MBTD1: variants seen among roughly 807,000 people sequenced by gnomAD.
The protein encoded by MBTD1 is MBT domain-containing protein 1.
Under a neutral mutation model 87.8 loss-of-function variants are expected in MBTD1, and 24 were observed. The observed-to-expected ratio is 0.27, with a 90% CI of 0.20 to 0.38. MBTD1 has a LOEUF of 0.38. MBTD1 is among the 10% of genes least tolerant of loss of function. The pLI is 1.00. For missense variants in MBTD1, 436 were observed against 760.2 expected (o/e 0.57, Z 5.02); for synonymous variants, 237 against 248.6 (o/e 0.95, Z 0.44).
chr17:51,202,924 ACT>A lies in MBTD1; in HGVS notation c.838_839del (p.Ser280TyrfsTer15). ...TGCAAGGTTTGAAAGGATACTGCAT[ACT>A]CTCTGAAACCTTAAAAGCATACAAA... ...PPDFSQKVSE[S>X]MQYPFKPCMR... On this transcript the variant is annotated frameshift_variant, in exon 10 of 17. Coordinates refer to ENST00000586178, the MANE Select transcript of MBTD1 (RefSeq NM_017643.3). LOFTEE classifies it high-confidence loss of function. 1 of 1,611,318 alleles carries A rather than the reference ACT, an allele frequency of 6.2e-7. No homozygotes were observed. The highest frequency in any genetic ancestry group is 8.5e-7 in the Non-Finnish European group (1 of 1,177,456).
In MBTD1 at chr17:51,180,707, G is replaced by A; in HGVS notation, c.1769-13C>T. ...TGCAGTGTTGTCACTGAATGAAAGAGAGAGAAACATATGGGCATTAAGGCT... is the reference window on the plus strand; with the variant it reads ...TGCAGTGTTGTCACTGAATGAAAGAAAGAGAAACATATGGGCATTAAGGCT... On this transcript the variant is annotated splice_polypyrimidine_tract_variant and intron_variant, in intron 16 of 16. Coordinates refer to ENST00000586178, the MANE Select transcript of MBTD1 (RefSeq NM_017643.3). The A allele has an allele frequency of 7.1e-7, 1 of 1,417,110 alleles. No homozygotes were observed. Among genetic ancestry groups the A allele is most frequent in the Non-Finnish European group, 9.8e-7 (1 of 1,024,466 alleles). 87.8% of individuals were successfully genotyped at this position (1,417,110 alleles called of 1,614,324 possible). A position where few individuals can be genotyped will look rare whatever the true frequency, so the allele number is the denominator to read the frequency against.
chr17:51,235,779 A>AT (rs2053795983), intron 2 of MBTD1, among the ~76,000 whole-genome samples: 2 of 152,228 alleles, frequency 1.3e-5, no homozygotes, highest in African/African-American at 4.8e-5. Flanking sequence ...ATCACAGCAG[A>AT]TTTTTGGGTA....
intron 3 of MBTD1, among the ~76,000 whole-genome samples, chr17:51,220,772 T>C (rs777300950): frequency 9.9e-5 from 15 of 152,192 alleles, no homozygotes; most frequent in South Asian, 8.3e-4. Flanking sequence ...GTGCTTACCA[T>C]GTGCCAGGCA....
intron 12 of MBTD1, among the ~76,000 whole-genome samples, chr17:51,196,063 A>G (rs2051084204): frequency 1.3e-5 from 2 of 152,002 alleles, no homozygotes; most frequent in Admixed American, 1.3e-4. Context: ...GCATGCCATC[A>G]CACTCGGCTA....
In MBTD1 at chr17:51,220,871, AAC is replaced by A. The variant is rs538767476; in HGVS notation, c.155-410_155-409del. Among the ~76,000 whole-genome samples the A allele has an allele frequency of 3.9e-5, 6 of 152,376 alleles. No homozygotes were observed. In the South Asian group the frequency reaches 1.2e-3, roughly 32 times the overall value. ...CAACTGAGGATTAATAACAAAGTATAACACAGGCCTTTAAAATACTGCAAAGG... is the reference window on the plus strand; with the variant it reads ...CAACTGAGGATTAATAACAAAGTATAACAGGCCTTTAAAATACTGCAAAGG... On this transcript the variant is annotated intron_variant, in intron 3 of 16. Transcript: ENST00000586178.
chr17:51,217,617 TTA>T (rs1196429183), intron 5 of MBTD1, among the ~76,000 whole-genome samples: 1 of 152,180 alleles, frequency 6.6e-6, no homozygotes, highest in Non-Finnish European at 1.5e-5. Flanking sequence ...AGGAGTTTCT[TTA>T]TGTTTTTGAG....
At position 51,206,969 on chromosome 17, in the gene MBTD1, T is replaced by A; in HGVS notation, c.523A>T (p.Asn175Tyr). 6.2e-7 allele frequency: 1 copy of A among 1,613,626 alleles called. No homozygotes were observed. Among genetic ancestry groups the A allele is most frequent in the South Asian group, 1.1e-5 (1 of 91,070 alleles). The change falls in exon 7 of 17, where the codon AAT becomes TAT. Residue 175 changes from asparagine to tyrosine, a missense_variant. Physicochemically the swap from Asn to Tyr is moderately radical, Grantham distance 143 (BLOSUM62 -2). Transcript: ENST00000586178. The stretch of plus-strand genomic sequence containing the variant: ...GTATTGGGAACTTCTACTCTCACAT[T>A]TTCTGAGATATCACCCCAGCAGGTC... ...MGTCWGDISE[N>Y]VRVEVPNTDC...
At chr17:51,218,807 T>C in intron 5 of MBTD1, 123 bp downstream of exon 5, 1 of 629,226 alleles carries the variant, frequency 1.6e-6, no homozygotes, top group East Asian at 2.8e-5. Context: ...AGCTTAGAGC[T>C]GTAATGTGCT....
intron 12 of MBTD1, among the ~76,000 whole-genome samples, chr17:51,197,522 T>C (rs2051205040): frequency 6.8e-6 from 1 of 146,056 alleles, no homozygotes; most frequent in African/African-American, 2.5e-5. Flanking sequence ...TTTCTTTTCT[T>C]TTTTTTTTTT....
intron 2 of MBTD1, among the ~76,000 whole-genome samples, chr17:51,227,664 T>A (rs1346315922): frequency 6.6e-6 from 1 of 152,138 alleles, no homozygotes. Context: ...AAATTTTGCC[T>A]TTCAGCTGGG....
chr17:51,226,593 T>C (rs2053232498), intron 2 of MBTD1, among the ~76,000 whole-genome samples: 1 of 152,016 alleles, frequency 6.6e-6, no homozygotes, highest in Non-Finnish European at 1.5e-5. Context: ...AAACTAAACT[T>C]CTAGACCAAT....
rs946412130 is a variant in MBTD1, at chr17:51,192,786, T to G, written c.1686A>C (p.Ser562=). The change falls in exon 15 of 17, where the codon TCA becomes TCC. Residue 562 remains serine (S), a synonymous_variant. Coordinates refer to ENST00000586178, the MANE Select transcript of MBTD1 (RefSeq NM_017643.3). ...CTTTTCTGTATACCAACTTACACTG[T>G]GATGCTGGAGGCTGTAGTTGATATC... is the stretch of plus-strand genomic sequence containing the variant. ...LTGYQLQPPA[S]QSSRENQSAS... 4.3e-6 allele frequency: 7 copies of G among 1,614,084 alleles called. No homozygotes were observed. The highest frequency in any genetic ancestry group is 5.9e-6 in the Non-Finnish European group (7 of 1,179,956).
Position 51,259,222 on chromosome 17 carries a change from T to C in MBTD1, c.-112-16A>G. The C allele has an allele frequency of 3.3e-6, 4 of 1,227,330 alleles. No homozygotes were observed. The highest frequency in any genetic ancestry group is 4.1e-6 in the Non-Finnish European group (4 of 983,534). 76.0% of individuals were successfully genotyped at this position (1,227,330 alleles called of 1,614,324 possible). On this transcript the variant is annotated splice_polypyrimidine_tract_variant and intron_variant, in intron 1 of 16. Transcript: ENST00000586178. ...TCTTCCGACTCTGAAATGTTAGGAT[T>C]CTTATTTCACAAAGGAGAACGCAAT...
chr17:51,231,227 G>A (rs2053534705), intron 2 of MBTD1, among the ~76,000 whole-genome samples: 1 of 152,090 alleles, frequency 6.6e-6, no homozygotes, highest in Non-Finnish European at 1.5e-5. Flanking sequence ...TGAGCCACCA[G>A]CCCGGCCAGA....
chr17:51,249,356 A>G (rs1458869533), intron 2 of MBTD1, among the ~76,000 whole-genome samples: 2 of 152,188 alleles, frequency 1.3e-5, no homozygotes, highest in Non-Finnish European at 2.9e-5. Flanking sequence ...ATCTTGTGCT[A>G]AGTGTCAAAG....
At position 51,231,180 on chromosome 17, in the gene MBTD1, C is replaced by T. The variant is rs9898895; in HGVS notation, c.-48-5971G>A. On this transcript the variant is annotated intron_variant, in intron 2 of 16. Coordinates refer to ENST00000586178, the MANE Select transcript of MBTD1 (RefSeq NM_017643.3). Reference sequence around the variant, plus strand: ...CTCAAACTCCTGACCTTGTGATCTGCCCGCCTTGGCCTCCCAAAGTGCTAG... The same window carrying T: ...CTCAAACTCCTGACCTTGTGATCTGTCCGCCTTGGCCTCCCAAAGTGCTAG... 5.2e-3 allele frequency among the ~76,000 whole-genome samples: 795 copies of T among 152,296 alleles called. 7 individuals are homozygous for T. Among genetic ancestry groups the T allele is most frequent in the African/African-American group, 0.017 (722 of 41,570 alleles).
chr17:51,197,387 T>C (rs568391778), intron 12 of MBTD1, among the ~76,000 whole-genome samples: 61 of 152,050 alleles, frequency 4.0e-4, no homozygotes, highest in Non-Finnish European at 8.4e-4. Context: ...GTTTTACTTG[T>C]TGAATTTTTG....
chr17:51,202,042 G>T lies in MBTD1; in HGVS notation c.1099C>A (p.Pro367Thr). Residue 367 changes from proline to threonine, a missense_variant, in exon 11 of 17, where the codon CCA (proline) becomes ACA (threonine). By Grantham distance (38) the Pro-to-Thr change is conservative. Coordinates refer to ENST00000586178, the MANE Select transcript of MBTD1 (RefSeq NM_017643.3). ...CTTACCTTAGCAAATAAATGTGGTG[G>T]TGTATCAAAATGTCCATCCTGTTTC... ...TKKQDGHFDT[P>T]PHLFAKVKEV... is the part of the protein sequence containing the mutation. 1 of 1,606,704 alleles carries T rather than the reference G, an allele frequency of 6.2e-7. No homozygotes were observed. The highest frequency in any genetic ancestry group is 8.5e-7 in the Non-Finnish European group (1 of 1,174,104).
Position 51,179,510 on chromosome 17 carries a change from A to ATTTATATATATATT in MBTD1, c.*1065_*1066insAATATATATATAAA, listed in dbSNP as rs1568136016. Reference sequence around the variant, plus strand: ...TATATATATATATATATATATATATATATATATATATATATATATATATAT... The same window carrying ATTTATATATATATT: ...TATATATATATATATATATATATATATTTATATATATATTTATATATATATATATATATATATAT... On this transcript the variant is annotated 3_prime_UTR_variant, in exon 17 of 17. Coordinates refer to ENST00000586178, the MANE Select transcript of MBTD1 (RefSeq NM_017643.3). The ATTTATATATATATT allele has an allele frequency of 1.0e-5, 1 of 95,736 alleles. No homozygotes were observed. Among genetic ancestry groups the ATTTATATATATATT allele is most frequent in the African/African-American group, 4.0e-5 (1 of 24,742 alleles). The allele number at this position is 95,736 out of a possible 1,614,324, so 5.9% of individuals were successfully genotyped here.
Sources: gnomAD v4.1 joint callset for allele counts (sites outside exome capture counted in the v4.1 genomes callset) on GRCh38, gnomAD v4.1.1 for gene constraint, MANE v1.5 for transcripts, NCBI Gene and HGNC (gene_info 2026-07-23, HGNC 2026-07-21) for gene names.